The following FAAH2 variants were observed in gnomAD, a reference collection of about 807,000 sequenced individuals.
FAAH2 encodes the protein fatty-acid amide hydrolase 2.
A neutral mutation model predicts 36.9 loss-of-function variants in FAAH2; 60 were observed. The ratio of observed to expected loss-of-function variants is 1.63; its 90% CI spans 1.32 to 2.02. The LOEUF is 2.02. FAAH2 is among the 30% of genes most tolerant of loss of function. FAAH2 has a pLI of 0.00. For synonymous variants in FAAH2, 214 were observed against 143.8 expected (o/e 1.49, Z -3.49); for missense variants, 689 against 397.5 (o/e 1.73, Z -6.23).
intron 10 of FAAH2, among the ~76,000 whole-genome samples, chrX:57,479,078 C>A (rs1025910667): frequency 4.5e-5 from 5 of 111,412 alleles, no homozygotes; most frequent in African/African-American, 1.6e-4. Context: ...TGACCTTGGG[C>A]AGTTTGGCCA....
intron 10 of FAAH2, among the ~76,000 whole-genome samples, chrX:57,458,547 C>T (rs1449299475): frequency 9.0e-6 from 1 of 111,695 alleles, no homozygotes; most frequent in East Asian, 2.8e-4. Flanking sequence ...GTCGAGATGG[C>T]TGAATAGGAA....
At chrX:57,384,535 A>T (rs1349215172) in intron 7 of FAAH2, among the ~76,000 whole-genome samples, 86 of 100,418 alleles carry the variant, frequency 8.6e-4, no homozygotes, top group African/African-American at 1.5e-3. Flanking sequence ...GACACTTCTC[A>T]AAAGAAGACA....
chrX:57,235,944 C>T, the FAAH2 span, among the ~76,000 whole-genome samples: 3 of 112,274 alleles, frequency 2.7e-5, no homozygotes, highest in Non-Finnish European at 1.9e-5. Flanking sequence ...AAAACTTATT[C>T]TTTCTTTCTG....
At chrX:57,434,804 C>A (rs1179001565) in intron 8 of FAAH2, among the ~76,000 whole-genome samples, 1 of 111,272 alleles carries the variant, frequency 9.0e-6, no homozygotes, top group Non-Finnish European at 1.9e-5. Flanking sequence ...AAGACAAATA[C>A]ATTGCAAAAG....
chrX:57,259,339 A>G, the FAAH2 span, among the ~76,000 whole-genome samples: 1 of 112,032 alleles, frequency 8.9e-6, no homozygotes, highest in Non-Finnish European at 1.9e-5. Context: ...TAGCTAAGAT[A>G]TGGAAAACAC....
chrX:57,347,884 T>C (rs2053872360), intron 5 of FAAH2, among the ~76,000 whole-genome samples: 1 of 110,032 alleles, frequency 9.1e-6, no homozygotes, highest in South Asian at 3.9e-4. Flanking sequence ...ATCTAGTAAA[T>C]GGCATATAAT....
At chrX:57,446,531 C>G (rs1048817352) in intron 8 of FAAH2, among the ~76,000 whole-genome samples, 1 of 111,828 alleles carries the variant, frequency 8.9e-6, no homozygotes, top group African/African-American at 3.3e-5. Flanking sequence ...AGAATATTTT[C>G]GTCATTCCTA....
At chrX:57,310,377 G>A (rs779319371) in intron 2 of FAAH2, among the ~76,000 whole-genome samples, 1 of 111,572 alleles carries the variant, frequency 9.0e-6, no homozygotes, top group East Asian at 2.8e-4. Context: ...CCAGCTTTCT[G>A]TATGGATAAT....
the FAAH2 span, among the ~76,000 whole-genome samples, chrX:57,272,040 T>G: frequency 9.2e-6 from 1 of 108,584 alleles, no homozygotes; most frequent in Admixed American, 1.0e-4. Context: ...CTAGAATAAC[T>G]AATGTAGAGA....
chrX:57,265,392 T>C, the FAAH2 span, among the ~76,000 whole-genome samples: 2 of 111,679 alleles, frequency 1.8e-5, no homozygotes, highest in African/African-American at 6.5e-5. Context: ...GGCTTAGGAT[T>C]CCAGCCAGTT....
At chrX:57,131,079 C>CTTTT in the FAAH2 span, among the ~76,000 whole-genome samples, 1 of 90,249 alleles carries the variant, frequency 1.1e-5, no homozygotes, top group Non-Finnish European at 2.1e-5. Context: ...GGGCCTATTT[C>CTTTT]TTTTTTTTTT....
At chrX:57,155,554 G>A in the FAAH2 span, among the ~76,000 whole-genome samples, 1 of 112,152 alleles carries the variant, frequency 8.9e-6, no homozygotes, top group African/African-American at 3.2e-5. Flanking sequence ...GGGGCGTGCT[G>A]GGCTGAGAAC....
chrX:57,445,759 T>C (rs1435668675), intron 8 of FAAH2, among the ~76,000 whole-genome samples: 1 of 112,573 alleles, frequency 8.9e-6, no homozygotes, highest in East Asian at 2.8e-4. Context: ...AGAAGTCTCT[T>C]CACCAGCTAC....
intron 7 of FAAH2, among the ~76,000 whole-genome samples, chrX:57,417,680 C>T (rs760000562): frequency 8.9e-6 from 1 of 111,808 alleles, no homozygotes; most frequent in Non-Finnish European, 1.9e-5. Context: ...CTGCTTGGAG[C>T]TGTCTCCCAG....
chrX:57,454,776 G>GA (rs1245650507), intron 10 of FAAH2, among the ~76,000 whole-genome samples: 6 of 111,427 alleles, frequency 5.4e-5, no homozygotes, highest in Admixed American at 9.5e-5. Context: ...TTTTGAAAAT[G>GA]AAAAAATCCT....
chrX:57,436,772 G>C (rs986281374), intron 8 of FAAH2, among the ~76,000 whole-genome samples: 2 of 110,979 alleles, frequency 1.8e-5, no homozygotes, highest in Non-Finnish European at 1.9e-5. Context: ...TTGTAACAAA[G>C]GAATCTCAGA....
At chrX:57,462,975 C>T (rs1453311174) in intron 10 of FAAH2, among the ~76,000 whole-genome samples, 2 of 112,161 alleles carry the variant, frequency 1.8e-5, no homozygotes, top group African/African-American at 3.2e-5. Context: ...GATACAAAAT[C>T]AGTGTGCAAA....
At chrX:57,419,761 G>A (rs938714806) in intron 7 of FAAH2, among the ~76,000 whole-genome samples, 19 of 111,825 alleles carry the variant, frequency 1.7e-4, no homozygotes, top group Non-Finnish European at 3.2e-4. Flanking sequence ...TGTTGCCATT[G>A]CTTTTGGTGT....
the FAAH2 span, among the ~76,000 whole-genome samples, chrX:57,222,679 C>A: frequency 9.0e-6 from 1 of 111,673 alleles, no homozygotes; most frequent in Non-Finnish European, 1.9e-5. Context: ...TCATAGAAAA[C>A]CCCCTCCTAC....
Sources: gnomAD v4.1 joint callset for allele counts (sites outside exome capture counted in the v4.1 genomes callset) on GRCh38, gnomAD v4.1.1 for gene constraint, MANE v1.5 for transcripts, NCBI Gene and HGNC (gene_info 2026-07-23, HGNC 2026-07-21) for gene names.